Variants in TRIM44 observed in about 807,000 individuals in gnomAD.
The protein encoded by TRIM44 is tripartite motif-containing protein 44.
Under a neutral mutation model 37.4 loss-of-function variants are expected in TRIM44, and 13 were observed. That is an observed-to-expected ratio of 0.35 (90% CI 0.23 to 0.55). The LOEUF is 0.55. TRIM44 is among the 20% of genes least tolerant of loss of function. The probability of loss-of-function intolerance (pLI) is 0.89; values close to 1 mark genes in which losing one functional copy is unlikely to be tolerated. For missense variants in TRIM44, 426 were observed against 437.2 expected (o/e 0.97, Z 0.23); for synonymous variants, 175 against 157.2 (o/e 1.11, Z -0.85).
chr11:35,806,429 G>A lies in TRIM44; in HGVS notation c.*44G>A, dbSNP rs1479022265. ...GGAAAATCATCCCCTCCCCTTGTGT[G>A]TATGTGACAGCGTGTATGTAACGGC... On this transcript the variant is annotated 3_prime_UTR_variant, in exon 5 of 5. Coordinates refer to ENST00000299413, the MANE Select transcript of TRIM44 (RefSeq NM_017583.6). The A allele has an allele frequency of 1.2e-6, 2 of 1,608,248 alleles. No individual in the cohort carries two copies. Among genetic ancestry groups the A allele is most frequent in the Admixed American group, 1.7e-5 (1 of 59,936 alleles).
At chr11:35,769,613 T>G (rs950165079) in intron 4 of TRIM44, among the ~76,000 whole-genome samples, 14 of 152,178 alleles carry the variant, frequency 9.2e-5, no homozygotes, top group African/African-American at 3.4e-4. Context: ...TTTCTTGTCT[T>G]TAAAAGGGGG....
At chr11:35,679,589 C>T (rs1224049695) in intron 1 of TRIM44, among the ~76,000 whole-genome samples, 2 of 152,098 alleles carry the variant, frequency 1.3e-5, no homozygotes, top group Non-Finnish European at 1.5e-5. Flanking sequence ...GGTTGCTTTG[C>T]CTAAAGTGAG....
At chr11:35,711,653 G>T (rs574142436) in intron 2 of TRIM44, among the ~76,000 whole-genome samples, 1 of 152,222 alleles carries the variant, frequency 6.6e-6, no homozygotes, top group African/African-American at 2.4e-5. Flanking sequence ...CTACTTGGGA[G>T]ACTGAGGTGG....
rs1042271581 is a variant in TRIM44 at position 35,750,351 on chromosome 11, A to G, written c.1007+14906A>G. On this transcript the variant is annotated intron_variant, in intron 4 of 4. Transcript: ENST00000299413. ...GGATCGGCAGCCTACTAAAACATTC[A>G]TGTCACTTGTAGCTGTAAATGGAAA... Among the ~76,000 whole-genome samples, 3 of 152,170 alleles carry G rather than the reference A, an allele frequency of 2.0e-5. No homozygotes were observed. In the South Asian group the frequency reaches 6.2e-4, roughly 32 times the overall value.
At chr11:35,697,641 C>T (rs989384430) in intron 2 of TRIM44, among the ~76,000 whole-genome samples, 11 of 151,600 alleles carry the variant, frequency 7.3e-5, no homozygotes, top group Non-Finnish European at 1.3e-4. Flanking sequence ...GTGTGATGTT[C>T]CCCTTCCTGT....
intron 4 of TRIM44, among the ~76,000 whole-genome samples, chr11:35,776,749 A>G (rs997516392): frequency 1.1e-4 from 17 of 152,170 alleles, no homozygotes; most frequent in African/African-American, 2.9e-4. Context: ...TTCAGTTTCC[A>G]TATAGTTGAG....
At chr11:35,702,440 T>G (rs1354361281) in intron 2 of TRIM44, among the ~76,000 whole-genome samples, 6 of 152,196 alleles carry the variant, frequency 3.9e-5, no homozygotes. Context: ...GTTTCTGCGA[T>G]TAAGGATGCC....
intron 4 of TRIM44, among the ~76,000 whole-genome samples, chr11:35,765,698 A>G (rs1281502056): frequency 6.6e-6 from 1 of 152,206 alleles, no homozygotes; most frequent in East Asian, 1.9e-4. Context: ...TAAACTTGGC[A>G]TATTCTGAGG....
intron 4 of TRIM44, among the ~76,000 whole-genome samples, chr11:35,802,730 G>C (rs1319301590): frequency 1.3e-5 from 2 of 152,156 alleles, no homozygotes; most frequent in Non-Finnish European, 2.9e-5. Flanking sequence ...GTGTTTGGCA[G>C]GCATGACTTT....
chr11:35,803,603 C>A (rs1051581865), intron 4 of TRIM44, among the ~76,000 whole-genome samples: 13 of 152,104 alleles, frequency 8.5e-5, no homozygotes, highest in African/African-American at 3.1e-4. Flanking sequence ...CACCTGTAAT[C>A]CCAGCTACTC....
At chr11:35,743,779 C>T (rs1450269019) in intron 4 of TRIM44, among the ~76,000 whole-genome samples, 23 of 152,144 alleles carry the variant, frequency 1.5e-4, no homozygotes, top group Non-Finnish European at 1.5e-5. Flanking sequence ...TTGAAAAACA[C>T]TGCAGCAAAT....
chr11:35,769,701 C>T (rs189906124), intron 4 of TRIM44, among the ~76,000 whole-genome samples: 192 of 152,290 alleles, frequency 1.3e-3, no homozygotes, highest in South Asian at 2.3e-3. Flanking sequence ...CAATCCATAA[C>T]ATTTAATAAC....
intron 4 of TRIM44, among the ~76,000 whole-genome samples, chr11:35,751,685 A>G (rs192698671): frequency 5.3e-5 from 8 of 152,372 alleles, no homozygotes; most frequent in African/African-American, 1.9e-4. Flanking sequence ...TGAATGAAAT[A>G]AAGGTAAGTC....
chr11:35,672,651 G>A (rs1851409177), intron 1 of TRIM44, among the ~76,000 whole-genome samples: 1 of 152,152 alleles, frequency 6.6e-6, no homozygotes, highest in Admixed American at 6.6e-5. Flanking sequence ...CTGGGTGAAT[G>A]GGAGGATATA....
chr11:35,702,974 G>A (rs573410305), intron 2 of TRIM44, among the ~76,000 whole-genome samples: 12 of 152,246 alleles, frequency 7.9e-5, no homozygotes, highest in African/African-American at 4.8e-5. Flanking sequence ...CTTGGGAAGC[G>A]CAAGGGGTCA....
At chr11:35,721,355 T>G (rs1423959800) in intron 2 of TRIM44, among the ~76,000 whole-genome samples, 1 of 152,212 alleles carries the variant, frequency 6.6e-6, no homozygotes, top group Non-Finnish European at 1.5e-5. Flanking sequence ...GAAAAGTACT[T>G]GTAATTCCAC....
chr11:35,732,962 G>A (rs1325881210), intron 3 of TRIM44, among the ~76,000 whole-genome samples: 2 of 152,136 alleles, frequency 1.3e-5, no homozygotes, highest in Non-Finnish European at 2.9e-5. Context: ...GCAAAACTTT[G>A]TGTCCCATCT....
chr11:35,714,209 A>G (rs1335122062), intron 2 of TRIM44, among the ~76,000 whole-genome samples: 1 of 152,174 alleles, frequency 6.6e-6, no homozygotes, highest in African/African-American at 2.4e-5. Flanking sequence ...ACACAATAAA[A>G]GTTCACAGTT....
chr11:35,686,362 G>GTTTTTT (rs201740615), intron 2 of TRIM44, among the ~76,000 whole-genome samples: 8 of 143,702 alleles, frequency 5.6e-5, no homozygotes, highest in African/African-American at 2.1e-4. Context: ...GGTTCTTTTT[G>GTTTTTT]TTTTTGTTTT....
Sources: allele counts gnomAD v4.1 joint callset (sites outside exome capture counted in the v4.1 genomes callset), GRCh38; gene constraint gnomAD v4.1.1; transcripts MANE v1.5; gene names NCBI Gene and HGNC (gene_info 2026-07-23, HGNC 2026-07-21).